EXOC6B: variants seen among roughly 807,000 people sequenced by gnomAD.
EXOC6B encodes exocyst complex component 6B.
Under a neutral mutation model 113.5 loss-of-function variants are expected in EXOC6B, and 54 were observed. The observed-to-expected ratio is 0.48, with a 90% CI of 0.38 to 0.60. EXOC6B has a LOEUF of 0.60. EXOC6B is among the 20% of genes least tolerant of loss of function. EXOC6B has a pLI of 0.00. For synonymous variants in EXOC6B, 357 were observed against 339.0 expected (o/e 1.05, Z -0.58); for missense variants, 797 against 977.5 (o/e 0.82, Z 2.46).
intron 18 of EXOC6B, among the ~76,000 whole-genome samples, chr2:72,394,158 A>G (rs1023719018): frequency 1.3e-5 from 2 of 152,172 alleles, no homozygotes; most frequent in African/African-American, 4.8e-5. Flanking sequence ...TTTTATTCCT[A>G]TGATCCTATA....
chr2:72,641,735 C>A (rs185352136), intron 6 of EXOC6B, among the ~76,000 whole-genome samples: 1 of 152,330 alleles, frequency 6.6e-6, no homozygotes, highest in East Asian at 1.9e-4. Context: ...GTGTCTGAGC[C>A]CTGAGAACAG....
intron 6 of EXOC6B, among the ~76,000 whole-genome samples, chr2:72,689,365 A>C (rs182948775): frequency 6.6e-6 from 1 of 152,278 alleles, no homozygotes; most frequent in Non-Finnish European, 1.5e-5. Flanking sequence ...GTCTCCACTC[A>C]TGTTCTCACT....
chr2:72,281,241 T>A (rs1024427172), intron 20 of EXOC6B, among the ~76,000 whole-genome samples: 1 of 152,196 alleles, frequency 6.6e-6, no homozygotes, highest in Non-Finnish European at 1.5e-5. Flanking sequence ...TTACTCTGGA[T>A]GCCTGCCAGA....
intron 6 of EXOC6B, among the ~76,000 whole-genome samples, chr2:72,688,782 A>G (rs111758883): frequency 0.016 from 2,505 of 152,308 alleles, 92 homozygotes; most frequent in African/African-American, 0.058. Context: ...CACTCTTATA[A>G]GTTCACTCTT....
chr2:72,185,897 C>T lies in EXOC6B; in HGVS notation c.2197-1710G>A, dbSNP rs555364804. On this transcript the variant is annotated intron_variant, in intron 20 of 21. Coordinates refer to ENST00000272427, the MANE Select transcript of EXOC6B (RefSeq NM_015189.3). ...CCTAATGCTATCCCTCCCCCTCCCC[C>T]CAACCCCACGACAGGCCCCGGTGTG... 1.8e-3 allele frequency among the ~76,000 whole-genome samples: 266 copies of T among 151,984 alleles called. 3 individuals carry two copies. Among genetic ancestry groups the T allele is most frequent in the African/African-American group, 6.4e-3 (263 of 41,402 alleles).
At chr2:72,710,910 T>C (rs1679232774) in intron 6 of EXOC6B, among the ~76,000 whole-genome samples, 1 of 152,166 alleles carries the variant, frequency 6.6e-6, no homozygotes, top group Non-Finnish European at 1.5e-5. Flanking sequence ...TTAAATCAGT[T>C]ACATAACCCA....
At chr2:72,506,533 G>T (rs967337472) in intron 11 of EXOC6B, among the ~76,000 whole-genome samples, 1 of 152,046 alleles carries the variant, frequency 6.6e-6, no homozygotes, top group Non-Finnish European at 1.5e-5. Flanking sequence ...ATTTCCCTTC[G>T]ATTTAGCTGA....
intron 6 of EXOC6B, among the ~76,000 whole-genome samples, chr2:72,640,137 A>C (rs1673123730): frequency 6.6e-6 from 1 of 152,220 alleles, no homozygotes; most frequent in Non-Finnish European, 1.5e-5. Flanking sequence ...AGAATGCAGG[A>C]GCCAAGAGAC....
chr2:72,653,202 T>G (rs13398051), intron 6 of EXOC6B, among the ~76,000 whole-genome samples: 4,297 of 151,116 alleles, frequency 0.028, 198 homozygotes, highest in African/African-American at 0.098. Context: ...GTGGCACATA[T>G]ACACCATGGA....
At chr2:72,665,446 G>C (rs1423829121) in intron 6 of EXOC6B, among the ~76,000 whole-genome samples, 1 of 152,076 alleles carries the variant, frequency 6.6e-6, no homozygotes, top group African/African-American at 2.4e-5. Context: ...AAGGCAGCTA[G>C]AAAGAAGGGT....
intron 21 of EXOC6B, 26 bp from the exon 22 acceptor site, chr2:72,179,487 G>A: frequency 6.2e-7 from 1 of 1,613,506 alleles, no homozygotes; most frequent in Middle Eastern, 1.7e-4. Flanking sequence ...AAGAAAGAGG[G>A]CAACATGTTT....
intron 8 of EXOC6B, among the ~76,000 whole-genome samples, chr2:72,518,546 G>A (rs1295614792): frequency 6.6e-6 from 1 of 151,338 alleles, no homozygotes; most frequent in Admixed American, 6.6e-5. Context: ...GTCAACGAAA[G>A]CTTCTTCGAA....
At chr2:72,363,009 T>C (rs1690413519) in intron 19 of EXOC6B, among the ~76,000 whole-genome samples, 1 of 152,096 alleles carries the variant, frequency 6.6e-6, no homozygotes, top group Admixed American at 6.6e-5. Context: ...GCATGAGGGA[T>C]ACAATAGCCT....
chr2:72,308,655 TA>T (rs988070955), intron 20 of EXOC6B, among the ~76,000 whole-genome samples: 1 of 152,130 alleles, frequency 6.6e-6, no homozygotes, highest in African/African-American at 2.4e-5. Context: ...AAGCTTTAAG[TA>T]AATAAAAGCA....
rs991803898 is a variant in EXOC6B, at chr2:72,817,702, A to G, written c.113+8096T>C. Among the ~76,000 whole-genome samples, 3 of 152,330 alleles carry G rather than the reference A, an allele frequency of 2.0e-5. No homozygotes were observed. In the East Asian group the frequency reaches 5.8e-4, roughly 29 times the overall value. ...ATTGTTCCCTATCCCAATAATTGGC[A>G]TCACCATCATCTGATTGCTTAGGCC... is the stretch of plus-strand genomic sequence containing the variant. On this transcript the variant is annotated intron_variant, in intron 1 of 21. Coordinates refer to ENST00000272427, the MANE Select transcript of EXOC6B (RefSeq NM_015189.3).
At chr2:72,445,846 C>A (rs1212031957) in intron 18 of EXOC6B, among the ~76,000 whole-genome samples, 1 of 152,162 alleles carries the variant, frequency 6.6e-6, no homozygotes, top group Non-Finnish European at 1.5e-5. Flanking sequence ...CATGAACACA[C>A]ACTTTTTAAA....
At chr2:72,286,655 T>C (rs1685444791) in intron 20 of EXOC6B, among the ~76,000 whole-genome samples, 1 of 152,218 alleles carries the variant, frequency 6.6e-6, no homozygotes, top group Non-Finnish European at 1.5e-5. Flanking sequence ...TTTTGGGTGA[T>C]AATGATATGT....
chr2:72,421,536 A>G (rs1372939710), intron 18 of EXOC6B, among the ~76,000 whole-genome samples: 2 of 152,258 alleles, frequency 1.3e-5, no homozygotes, highest in Admixed American at 6.5e-5. Flanking sequence ...TTTTACAAAT[A>G]TCTTGTCACA....
intron 6 of EXOC6B, among the ~76,000 whole-genome samples, chr2:72,610,256 A>G (rs529101688): frequency 2.6e-5 from 4 of 152,370 alleles, no homozygotes; most frequent in Admixed American, 6.5e-5. Context: ...GTGTGTATAC[A>G]TAGGTTGGCA....
Sources: gnomAD v4.1 joint callset for allele counts (sites outside exome capture counted in the v4.1 genomes callset) on GRCh38, gnomAD v4.1.1 for gene constraint, MANE v1.5 for transcripts, NCBI Gene and HGNC (gene_info 2026-07-23, HGNC 2026-07-21) for gene names.